The following MYOM1 variants were observed in gnomAD, a reference collection of about 807,000 sequenced individuals.
MYOM1 encodes the protein myomesin-1.
Under a neutral mutation model 205.3 loss-of-function variants are expected in MYOM1, and 164 were observed. The ratio of observed to expected loss-of-function variants is 0.80; its 90% CI spans 0.70 to 0.91. The LOEUF is 0.91. MYOM1 is among the 40% of genes least tolerant of loss of function. The pLI, the probability that MYOM1 is intolerant of heterozygous loss-of-function variation, is 0.00. For missense variants in MYOM1, 2,011 were observed against 2,127.3 expected, an observed-to-expected ratio of 0.95 and a Z score of 1.08; for synonymous variants, 772 against 789.4, an observed-to-expected ratio of 0.98 and a Z score of 0.37.
chr18:3,198,620 C>T (rs930223613), intron 2 of MYOM1, among the ~76,000 whole-genome samples: 2 of 152,072 alleles, frequency 1.3e-5, no homozygotes, highest in Non-Finnish European at 2.9e-5. Flanking sequence ...CCCGTCTCTA[C>T]TAAAAATACA....
At chr18:3,085,975 GT>G in intron 30 of MYOM1, 62 bp downstream of exon 30, 1 of 1,023,428 alleles carries the variant, frequency 9.8e-7, no homozygotes, top group South Asian at 1.4e-5. Context: ...TCTAGTTACT[GT>G]TTTGGGGTAA....
At chr18:3,164,026 A>AC (rs111740256) in intron 10 of MYOM1, among the ~76,000 whole-genome samples, 102 of 117,614 alleles carry the variant, frequency 8.7e-4, no homozygotes, top group African/African-American at 3.0e-3. Flanking sequence ...CTAATCAAAA[A>AC]AATTTTTTTT....
At chr18:3,191,456 G>C (rs760118166) in intron 3 of MYOM1, among the ~76,000 whole-genome samples, 2 of 152,132 alleles carry the variant, frequency 1.3e-5, no homozygotes, top group African/African-American at 2.4e-5. Context: ...TCTCTGCAGG[G>C]TTGTATGGAG....
At chr18:3,139,595 C>T (rs1323668096) in intron 14 of MYOM1, among the ~76,000 whole-genome samples, 1 of 152,180 alleles carries the variant, frequency 6.6e-6, no homozygotes, top group African/African-American at 2.4e-5. Flanking sequence ...AGAACAGCTA[C>T]ATCAGAAATA....
At chr18:3,071,813 A>G (rs751579824) in intron 37 of MYOM1, 21 bp downstream of exon 37, 11 of 1,588,718 alleles carry the variant, frequency 6.9e-6, no homozygotes, top group Non-Finnish European at 9.4e-6. Context: ...AGGAGCAGGC[A>G]CAGGCAGGCT....
At chr18:3,150,337 C>A (rs2080200145) in intron 12 of MYOM1, among the ~76,000 whole-genome samples, 1 of 152,214 alleles carries the variant, frequency 6.6e-6, no homozygotes, top group Admixed American at 6.5e-5. Flanking sequence ...GCTGGGATTA[C>A]AGGTGTGAGC....
At chr18:3,148,561 A>G (rs1567933963) in intron 13 of MYOM1, among the ~76,000 whole-genome samples, 1 of 151,988 alleles carries the variant, frequency 6.6e-6, no homozygotes, top group Non-Finnish European at 1.5e-5. Flanking sequence ...GAAAATGGTG[A>G]TGGTGGCCGG....
chr18:3,127,242 GTA>G (rs1230451484), intron 18 of MYOM1, among the ~76,000 whole-genome samples: 2 of 139,182 alleles, frequency 1.4e-5, no homozygotes, highest in Non-Finnish European at 3.1e-5. Context: ...AATGGAATGT[GTA>G]TATCAATTTC....
intron 12 of MYOM1, among the ~76,000 whole-genome samples, chr18:3,150,566 C>T (rs1192020742): frequency 6.6e-6 from 1 of 152,156 alleles, no homozygotes; most frequent in South Asian, 2.1e-4. Context: ...ATGAACAGAA[C>T]ACCCCTAGCC....
intron 2 of MYOM1, among the ~76,000 whole-genome samples, chr18:3,201,204 G>GCC (rs1163356748): frequency 6.6e-6 from 1 of 152,090 alleles, no homozygotes; most frequent in East Asian, 1.9e-4. Flanking sequence ...TTTGAGACCA[G>GCC]CCTGTCCAAC....
At chr18:3,170,010 TAG>T (rs1223842016) in intron 8 of MYOM1, among the ~76,000 whole-genome samples, 1 of 152,126 alleles carries the variant, frequency 6.6e-6, no homozygotes, top group Non-Finnish European at 1.5e-5. Context: ...TAGATGGAAC[TAG>T]AGGACATTAT....
At chr18:3,095,183 G>T (rs11873596) in intron 25 of MYOM1, among the ~76,000 whole-genome samples, 1 of 151,924 alleles carries the variant, frequency 6.6e-6, no homozygotes, top group African/African-American at 2.4e-5. Context: ...GTGGAGAGAA[G>T]GTGGGCTTTG....
In MYOM1 at chr18:3,174,131, A is replaced by G; in HGVS notation, c.1100T>C (p.Val367Ala). The change falls in exon 7 of 38, where the codon GTT becomes GCT. Residue 367 changes from valine to alanine, a missense_variant. Val to Ala is a moderately conservative substitution (Grantham distance 64). Coordinates refer to ENST00000356443, the MANE Select transcript of MYOM1 (RefSeq NM_003803.4). ...VKGELSAYAS[V>A]VVKRYKGEFD... ...TCTAGCAAACCTACTTTTTACCACAACTGAAGCATATGCCGAAAGCTCTCC... is the reference window on the plus strand; with the variant it reads ...TCTAGCAAACCTACTTTTTACCACAGCTGAAGCATATGCCGAAAGCTCTCC... 1 of 1,614,018 alleles carries G rather than the reference A, an allele frequency of 6.2e-7. No homozygotes were observed. The highest frequency in any genetic ancestry group is 8.5e-7 in the Non-Finnish European group (1 of 1,179,886).
At chr18:3,089,389 T>C (rs1032738510) in intron 28 of MYOM1, 148 bp from the exon 29 acceptor site, 5 of 794,930 alleles carry the variant, frequency 6.3e-6, no homozygotes, top group African/African-American at 5.3e-5. Context: ...GTCTACATAT[T>C]TAACAGTAAA....
chr18:3,098,713 T>C (rs1454239111), intron 25 of MYOM1, among the ~76,000 whole-genome samples: 2 of 151,904 alleles, frequency 1.3e-5, no homozygotes, highest in East Asian at 3.9e-4. Flanking sequence ...ACAAAGAGAG[T>C]CCAGTCCAAA....
intron 16 of MYOM1, among the ~76,000 whole-genome samples, chr18:3,133,863 TTTGC>T (rs1420151405): frequency 3.9e-5 from 6 of 152,262 alleles, no homozygotes; most frequent in South Asian, 4.1e-4. Context: ...ATTGTTTTGT[TTTGC>T]TTGTTTGTTT....
chr18:3,177,385 G>A (rs907315610), intron 5 of MYOM1, among the ~76,000 whole-genome samples: 3 of 151,556 alleles, frequency 2.0e-5, no homozygotes, highest in African/African-American at 7.3e-5. Context: ...GGCTATCTGT[G>A]TAGGATGAGA....
At chr18:3,070,011 AT>A (rs2078941603) in intron 37 of MYOM1, among the ~76,000 whole-genome samples, 1 of 152,222 alleles carries the variant, frequency 6.6e-6, no homozygotes, top group African/African-American at 2.4e-5. Context: ...TTGCTAAAGC[AT>A]TTCCACATGC....
rs781472387 is a variant in MYOM1, at chr18:3,129,460, C to T, written c.2566G>A (p.Ala856Thr). The change falls in exon 18 of 38, where the codon GCC becomes ACC. Residue 856 changes from alanine (A) to threonine (T), a missense_variant. Transcript: ENST00000356443. ...ALSDEPGGLT[A>T]SRGRVHEASP... The stretch of plus-strand genomic sequence containing the variant: ...GCTTCATGCACGCGCCCCCTGGAGG[C>T]GGTTAGTCCACCAGGCTCATCGCTC... 4.3e-6 allele frequency: 7 copies of T among 1,613,812 alleles called. No homozygotes were observed. In the Admixed American group the frequency reaches 5.0e-5, roughly 12 times the overall value.
Sources: gnomAD v4.1 joint callset for allele counts (sites outside exome capture counted in the v4.1 genomes callset) on GRCh38, gnomAD v4.1.1 for gene constraint, MANE v1.5 for transcripts, NCBI Gene and HGNC (gene_info 2026-07-23, HGNC 2026-07-21) for gene names.